Variants in CDH20 observed in about 807,000 individuals in gnomAD.
CDH20 encodes cadherin 20.
CDH20 carries 29 observed loss-of-function variants against 74.2 expected under a neutral mutation model. The ratio of observed to expected loss-of-function variants is 0.39; its 90% confidence interval spans 0.29 to 0.53. The LOEUF (loss-of-function observed/expected upper bound fraction) is 0.53. CDH20 is among the 20% of genes least tolerant of loss of function. The pLI is 0.69. For synonymous variants in CDH20, 469 were observed against 405.4 expected, an observed-to-expected ratio of 1.16 and a Z score of -1.88; for missense variants, 988 against 1,048.3, an observed-to-expected ratio of 0.94 and a Z score of 0.79.
chr18:61,452,031 T>G (rs1407151238), intron 1 of CDH20, among the ~76,000 whole-genome samples: 3 of 152,168 alleles, frequency 2.0e-5, no homozygotes, highest in African/African-American at 4.8e-5. Context: ...ATACATTTAG[T>G]ATCTGGAAGG....
chr18:61,427,010 C>A (rs1383526284), intron 1 of CDH20, among the ~76,000 whole-genome samples: 1 of 151,880 alleles, frequency 6.6e-6, no homozygotes, highest in Non-Finnish European at 1.5e-5. Context: ...GGATGCAGAG[C>A]AAATCAGGGG....
At chr18:61,471,148 T>G (rs58981120) in intron 1 of CDH20, among the ~76,000 whole-genome samples, 5,823 of 152,296 alleles carry the variant, frequency 0.038, 261 homozygotes, top group African/African-American at 0.11. Flanking sequence ...CTGAAAAAAA[T>G]GTGACTTTTT....
At chr18:61,425,468 G>A (rs938416029) in intron 1 of CDH20, among the ~76,000 whole-genome samples, 1 of 152,178 alleles carries the variant, frequency 6.6e-6, no homozygotes, top group Admixed American at 6.5e-5. Context: ...CCCTCAGACG[G>A]TGGTACCAAG....
rs938210561 is a variant in CDH20 at position 61,404,309 on chromosome 18, A to G, written c.-153+70482A>G. Among the ~76,000 whole-genome samples the G allele has an allele frequency of 2.0e-5, 3 of 152,216 alleles. No homozygotes were observed. The South Asian group carries it at 6.2e-4, about 31-fold the overall frequency. On this transcript the variant is annotated intron_variant, in intron 1 of 11. Transcript: ENST00000262717. ...GTAATGCATGTAATCAGAGAAAAAC[A>G]TGGTTTATTACTTAAAAACAGATAG...
Position 61,550,167 on chromosome 18 carries a change from T to A in CDH20, c.1838T>A (p.Leu613His). The A allele has an allele frequency of 6.2e-7, 1 of 1,614,152 alleles. No homozygotes were observed. Among genetic ancestry groups the A allele is most frequent in the African/African-American group, 1.3e-5 (1 of 75,076 alleles). Residue 613 changes from leucine to histidine, a missense_variant, in exon 11 of 12, where the codon CTC (leucine) becomes CAC (histidine). Physicochemically the swap from Leu to His is moderately conservative, Grantham distance 99. This residue lies in a region of CDH20 where 375 missense variants were observed against 293.1 expected (regional missense o/e 1.28). Coordinates refer to ENST00000262717, the MANE Select transcript of CDH20 (RefSeq NM_031891.4). Reference sequence around the variant, plus strand: ...TCCTGCAGCCCAGAGGCCTACATGCTCCCAGTCAGTTTGAGCCGGGGCGCC... The same window carrying A: ...TCCTGCAGCCCAGAGGCCTACATGCACCCAGTCAGTTTGAGCCGGGGCGCC... The part of the protein sequence containing the change: ...VMSCSPEAYM[L>H]PVSLSRGALI...
chr18:61,414,719 T>C (rs1323226892), intron 1 of CDH20, among the ~76,000 whole-genome samples: 1 of 152,036 alleles, frequency 6.6e-6, no homozygotes, highest in Non-Finnish European at 1.5e-5. Context: ...CCAATTTAAG[T>C]TTTAATTTGA....
chr18:61,473,267 G>A (rs192371389), intron 1 of CDH20, among the ~76,000 whole-genome samples: 12 of 152,276 alleles, frequency 7.9e-5, no homozygotes, highest in African/African-American at 2.6e-4. Context: ...ATTGGAATCC[G>A]TCTGATGTAT....
At chr18:61,505,322 C>G (rs1034610457) in intron 5 of CDH20, among the ~76,000 whole-genome samples, 22 of 147,404 alleles carry the variant, frequency 1.5e-4, no homozygotes, top group African/African-American at 5.5e-4. Context: ...AGTCTTGCCT[C>G]CGAAACCAAT....
intron 1 of CDH20, among the ~76,000 whole-genome samples, chr18:61,460,802 C>T (rs1909740013): frequency 6.6e-6 from 1 of 152,010 alleles, no homozygotes; most frequent in South Asian, 2.1e-4. Context: ...CTTCTTTTTG[C>T]CATTGTTTTC....
chr18:61,535,573 C>T (rs1912794124), intron 7 of CDH20, among the ~76,000 whole-genome samples: 1 of 152,064 alleles, frequency 6.6e-6, no homozygotes, highest in African/African-American at 2.4e-5. Flanking sequence ...AATATAGATC[C>T]TACCCAGGAG....
intron 1 of CDH20, among the ~76,000 whole-genome samples, chr18:61,415,294 T>C (rs1004913330): frequency 1.5e-4 from 23 of 152,306 alleles, no homozygotes; most frequent in African/African-American, 5.5e-4. Flanking sequence ...TTACAAATAA[T>C]TTATGGAACA....
intron 1 of CDH20, among the ~76,000 whole-genome samples, chr18:61,447,398 C>T (rs943008917): frequency 4.6e-5 from 7 of 152,190 alleles, no homozygotes; most frequent in African/African-American, 9.6e-5. Flanking sequence ...TATGGTTATG[C>T]GGGGAAGATA....
At chr18:61,544,929 A>T (rs535756845) in intron 9 of CDH20, 98 bp from the exon 10 acceptor site, 196 of 791,392 alleles carry the variant, frequency 2.5e-4, no homozygotes, top group Non-Finnish European at 4.4e-4. Context: ...TCATAAGGTA[A>T]AACATCCCAC....
At chr18:61,497,435 A>G (rs1424323810) in intron 2 of CDH20, among the ~76,000 whole-genome samples, 1 of 152,166 alleles carries the variant, frequency 6.6e-6, no homozygotes, top group Non-Finnish European at 1.5e-5. Context: ...ACACTGTCTC[A>G]GCCATGCTTC....
chr18:61,459,058 A>G lies in CDH20; in HGVS notation c.-152-31344A>G, dbSNP rs1909678821. ...TACAGTAATAGCTCCTAAGTGGAAC[A>G]TTATATCTATCAGTCTTAAGTGCTG... On this transcript the variant is annotated intron_variant, in intron 1 of 11. Transcript: ENST00000262717. Among the ~76,000 whole-genome samples the G allele has an allele frequency of 4.6e-5, 7 of 152,216 alleles. No homozygotes were observed. In the South Asian group the frequency reaches 1.4e-3, roughly 32 times the overall value.
chr18:61,346,521 T>C (rs1391631810), intron 1 of CDH20, among the ~76,000 whole-genome samples: 1 of 152,180 alleles, frequency 6.6e-6, no homozygotes. Flanking sequence ...TTGAAAAGCA[T>C]AGCTCTGACA....
intron 1 of CDH20, among the ~76,000 whole-genome samples, chr18:61,432,068 A>G (rs1264275395): frequency 4.6e-5 from 7 of 151,966 alleles, no homozygotes; most frequent in Admixed American, 3.3e-4. Context: ...AACATGGTGA[A>G]ACCCCATCTC....
At chr18:61,515,256 C>G (rs1397266677) in intron 6 of CDH20, among the ~76,000 whole-genome samples, 1 of 152,078 alleles carries the variant, frequency 6.6e-6, no homozygotes, top group African/African-American at 2.4e-5. Context: ...AGGAGTGACC[C>G]GATTTTCCAG....
chr18:61,386,649 T>G (rs1231911643), intron 1 of CDH20, among the ~76,000 whole-genome samples: 2 of 152,202 alleles, frequency 1.3e-5, no homozygotes, highest in African/African-American at 2.4e-5. Context: ...TATCTAGCAT[T>G]GAAAACAGTG....
Sources: allele counts gnomAD v4.1 joint callset (sites outside exome capture counted in the v4.1 genomes callset), GRCh38; gene constraint gnomAD v4.1.1; regional missense constraint gnomAD v4.1.1; transcripts MANE v1.5; gene names NCBI Gene and HGNC (gene_info 2026-07-23, HGNC 2026-07-21).